The following FSTL4 variants were observed in gnomAD, a reference collection of about 807,000 sequenced individuals.
The protein encoded by FSTL4 is follistatin like 4, also known as follistatin-related protein 4.
In FSTL4, 28 loss-of-function variants were observed where a neutral mutation model predicts 78.2. That is an observed-to-expected ratio of 0.36 (90% confidence interval 0.27 to 0.49). The LOEUF (loss-of-function observed/expected upper bound fraction) is 0.49. Ranked by LOEUF, FSTL4 falls within the 20% of genes least tolerant of loss-of-function variation. The pLI, the probability that FSTL4 is intolerant of heterozygous loss-of-function variation, is 0.98. For synonymous variants in FSTL4, 422 were observed against 440.5 expected (o/e 0.96, Z 0.53); for missense variants, 922 against 1,084.9 (o/e 0.85, Z 2.11).
At chr5:133,716,357 T>G in the FSTL4 span, among the ~76,000 whole-genome samples, 1 of 150,732 alleles carries the variant, frequency 6.6e-6, no homozygotes, top group Admixed American at 6.6e-5. Context: ...GAGATGTGCC[T>G]CATCAGTTTA....
the FSTL4 span, among the ~76,000 whole-genome samples, chr5:133,707,691 C>A: frequency 1.3e-5 from 2 of 152,218 alleles, no homozygotes; most frequent in South Asian, 4.2e-4. Context: ...AACCTTTCTT[C>A]AGAGGAGGAA....
the FSTL4 span, among the ~76,000 whole-genome samples, chr5:133,756,155 G>A: frequency 2.0e-5 from 3 of 152,158 alleles, no homozygotes; most frequent in East Asian, 5.8e-4. Flanking sequence ...TGTTTGGGAG[G>A]AGACTCTAGG....
At chr5:133,543,939 G>T (rs1007361361) in intron 3 of FSTL4, among the ~76,000 whole-genome samples, 2 of 151,758 alleles carry the variant, frequency 1.3e-5, no homozygotes, top group African/African-American at 2.4e-5. Context: ...CTTTGTTAGT[G>T]GTTTCCTTAG....
chr5:133,311,557 C>A (rs1380217216), intron 6 of FSTL4, among the ~76,000 whole-genome samples: 1 of 152,200 alleles, frequency 6.6e-6, no homozygotes, highest in African/African-American at 2.4e-5. Flanking sequence ...TTCTTGCCAA[C>A]AAATCACAAG....
At chr5:133,308,190 T>C (rs2126884325) in intron 6 of FSTL4, among the ~76,000 whole-genome samples, 1 of 152,332 alleles carries the variant, frequency 6.6e-6, no homozygotes, top group South Asian at 2.1e-4. Context: ...CCACTTTATT[T>C]GCAAATCCTG....
At chr5:133,540,850 C>T (rs1759455698) in intron 3 of FSTL4, among the ~76,000 whole-genome samples, 1 of 152,048 alleles carries the variant, frequency 6.6e-6, no homozygotes, top group South Asian at 2.1e-4. Flanking sequence ...TATCTTACTG[C>T]ATTACCAGAG....
intron 3 of FSTL4, among the ~76,000 whole-genome samples, chr5:133,431,999 A>G (rs1054614614): frequency 1.3e-5 from 2 of 152,208 alleles, no homozygotes; most frequent in Non-Finnish European, 2.9e-5. Context: ...ACAAATCCCC[A>G]TGAACTGAGC....
At chr5:133,494,631 AG>A (rs1421717255) in intron 3 of FSTL4, among the ~76,000 whole-genome samples, 1 of 152,244 alleles carries the variant, frequency 6.6e-6, no homozygotes, top group Non-Finnish European at 1.5e-5. Flanking sequence ...TTCCTATCAT[AG>A]GTTTTGATCA....
At chr5:133,744,499 G>A in the FSTL4 span, among the ~76,000 whole-genome samples, 1 of 152,194 alleles carries the variant, frequency 6.6e-6, no homozygotes, top group Admixed American at 6.5e-5. Context: ...CCCTTTGTAG[G>A]TCCTGCCCTG....
intron 3 of FSTL4, among the ~76,000 whole-genome samples, chr5:133,448,822 A>T (rs1757324309): frequency 6.6e-6 from 1 of 151,830 alleles, no homozygotes; most frequent in African/African-American, 2.4e-5. Flanking sequence ...TTGACACCCA[A>T]AGGTGATAAG....
At chr5:133,774,248 A>G in the FSTL4 span, among the ~76,000 whole-genome samples, 1 of 152,206 alleles carries the variant, frequency 6.6e-6, no homozygotes, top group African/African-American at 2.4e-5. Flanking sequence ...TATGAGGATT[A>G]CAGAGTTGTG....
the FSTL4 span, among the ~76,000 whole-genome samples, chr5:133,721,606 T>C: frequency 6.6e-6 from 1 of 152,334 alleles, no homozygotes; most frequent in Admixed American, 6.5e-5. Flanking sequence ...TATCATCCCA[T>C]TCTATACTGG....
chr5:133,437,429 G>T (rs997010569), intron 3 of FSTL4, among the ~76,000 whole-genome samples: 1 of 147,156 alleles, frequency 6.8e-6, no homozygotes, highest in South Asian at 2.2e-4. Context: ...CTTGAAGAAA[G>T]AATATTTAGT....
the FSTL4 span, among the ~76,000 whole-genome samples, chr5:133,704,774 G>C: frequency 1.3e-5 from 2 of 149,288 alleles, no homozygotes; most frequent in Non-Finnish European, 2.9e-5. Flanking sequence ...CTGAGGAAAA[G>C]GCCAGTTCTG....
rs547971061 is a variant in FSTL4, at chr5:133,573,247, A to C, written c.127-6028T>G. On this transcript the variant is annotated intron_variant, in intron 2 of 15. Coordinates refer to ENST00000265342, the MANE Select transcript of FSTL4 (RefSeq NM_015082.2). ...AGACAGAGTAAGGCTCTGTCTCAAA[A>C]AAAAACAAAAACAAAACAAAACAAA... 3.8e-3 allele frequency among the ~76,000 whole-genome samples: 586 copies of C among 152,232 alleles called. 7 individuals are homozygous for C. The highest frequency in any genetic ancestry group is 0.037 in the South Asian group (180 of 4,822).
At chr5:133,625,187 T>C in the FSTL4 span, among the ~76,000 whole-genome samples, 1 of 151,714 alleles carries the variant, frequency 6.6e-6, no homozygotes. Context: ...AAAAGATAAG[T>C]GTAGAATTGG....
At chr5:133,523,676 TG>T (rs1320585639) in intron 3 of FSTL4, among the ~76,000 whole-genome samples, 2 of 152,358 alleles carry the variant, frequency 1.3e-5, no homozygotes, top group Non-Finnish European at 2.9e-5. Flanking sequence ...TGATTAAATG[TG>T]GAGCCTGACA....
chr5:133,387,444 C>T (rs1322010008), intron 4 of FSTL4, among the ~76,000 whole-genome samples: 1 of 152,182 alleles, frequency 6.6e-6, no homozygotes, highest in African/African-American at 2.4e-5. Context: ...ATGATCCTAT[C>T]CACCCCACCC....
chr5:133,690,310 C>G, the FSTL4 span, among the ~76,000 whole-genome samples: 1 of 152,122 alleles, frequency 6.6e-6, no homozygotes, highest in East Asian at 1.9e-4. Context: ...GATCCTATCT[C>G]ATATCCAGAA....
Sources: gnomAD v4.1 joint callset for allele counts (sites outside exome capture counted in the v4.1 genomes callset) on GRCh38, gnomAD v4.1.1 for gene constraint, MANE v1.5 for transcripts, NCBI Gene and HGNC (gene_info 2026-07-23, HGNC 2026-07-21) for gene names.